CDC14A: variants seen among roughly 807,000 people sequenced by gnomAD.
CDC14A encodes dual specificity protein phosphatase CDC14A.
Under a neutral mutation model 74.4 loss-of-function variants are expected in CDC14A, and 53 were observed. The ratio of observed to expected loss-of-function variants is 0.71; its 90% CI spans 0.57 to 0.89. The LOEUF (loss-of-function observed/expected upper bound fraction) is 0.89. CDC14A is among the 40% of genes least tolerant of loss of function. The probability of loss-of-function intolerance (pLI) is 0.00; values close to 1 mark genes in which losing one functional copy is unlikely to be tolerated. For synonymous variants in CDC14A, 247 were observed against 258.4 expected (o/e 0.96, Z 0.43); for missense variants, 646 against 713.7 (o/e 0.91, Z 1.08).
chr1:100,377,411 T>G, intron 2 of CDC14A, 135 bp from the exon 3 acceptor site: 1 of 654,296 alleles, frequency 1.5e-6, no homozygotes, highest in East Asian at 2.8e-5. Context: ...TTATTTGGAT[T>G]ATACCATGGA....
intron 4 of CDC14A, among the ~76,000 whole-genome samples, chr1:100,412,710 A>ATATATATATATATATATTT (rs1660911802): frequency 1.0e-5 from 1 of 96,048 alleles, no homozygotes; most frequent in Admixed American, 1.0e-4. Flanking sequence ...ATATATATAT[A>ATATATATATATATATATTT]TATATATATA....
intron 2 of CDC14A, chr1:100,363,072 A>G (rs997062697): frequency 6.6e-6 from 1 of 152,238 alleles, no homozygotes. Context: ...TGTGACGTTT[A>G]CGTAGTGGGT....
chr1:100,377,904 G>A (rs978403847), intron 3 of CDC14A, among the ~76,000 whole-genome samples: 2 of 152,210 alleles, frequency 1.3e-5, no homozygotes, highest in Non-Finnish European at 2.9e-5. Context: ...TGTTGTTAAT[G>A]AGTCTCTATC....
At chr1:100,390,637 A>T (rs1657565408) in intron 3 of CDC14A, 95 bp from the exon 4 acceptor site, 1 of 760,990 alleles carries the variant, frequency 1.3e-6, no homozygotes. Flanking sequence ...TATGGGTTGT[A>T]GCACATCTTG....
intron 4 of CDC14A, among the ~76,000 whole-genome samples, chr1:100,405,094 A>G (rs1659774333): frequency 6.6e-6 from 1 of 152,136 alleles, no homozygotes; most frequent in Non-Finnish European, 1.5e-5. Context: ...CTGCTTTGGG[A>G]AATTTCTTAA....
chr1:100,420,962 T>G (rs1052436709), intron 4 of CDC14A, among the ~76,000 whole-genome samples: 2 of 152,160 alleles, frequency 1.3e-5, no homozygotes, highest in African/African-American at 4.8e-5. Context: ...AAAAGTCACT[T>G]TAATTGGGTG....
At chr1:100,469,871 A>G (rs57251132) in intron 10 of CDC14A, among the ~76,000 whole-genome samples, 5,225 of 152,266 alleles carry the variant, frequency 0.034, 293 homozygotes, top group African/African-American at 0.12. Context: ...CCATATCTCA[A>G]AATAGTAAGA....
intron 1 of CDC14A, among the ~76,000 whole-genome samples, chr1:100,353,439 C>T (rs1413957621): frequency 1.3e-5 from 2 of 152,202 alleles, no homozygotes; most frequent in East Asian, 3.9e-4. Context: ...TTCCCCTTCT[C>T]GCAGCTGCTG....
intron 3 of CDC14A, among the ~76,000 whole-genome samples, chr1:100,382,092 G>C (rs1319032639): frequency 6.6e-6 from 1 of 151,596 alleles, no homozygotes; most frequent in African/African-American, 2.4e-5. Flanking sequence ...CAGGTTCTCA[G>C]AGGGATCCTT....
At position 100,466,349 on chromosome 1, in the gene CDC14A, A is replaced by G. The variant is rs28364890; in HGVS notation, c.839-1607A>G. On this transcript the variant is annotated intron_variant, in intron 9 of 15. Coordinates refer to ENST00000336454, the MANE Select transcript of CDC14A (RefSeq NM_003672.4). ...CTGTGTTTTATCTATACGGTTGCCT[A>G]TAGTCTTGCCAGGCATCTAGGGAAT... Among the ~76,000 whole-genome samples the G allele has an allele frequency of 3.3e-5, 5 of 152,282 alleles. No homozygotes were observed. In the East Asian group the frequency reaches 5.8e-4, roughly 18 times the overall value.
chr1:100,452,492 C>A (rs1312109554), intron 7 of CDC14A, among the ~76,000 whole-genome samples: 3 of 152,098 alleles, frequency 2.0e-5, no homozygotes, highest in Admixed American at 2.0e-4. Flanking sequence ...GCCTGGGCAA[C>A]AGAATGCAAC....
intron 14 of CDC14A, 149 bp downstream of exon 14, chr1:100,498,356 T>C (rs1648179962): frequency 2.3e-6 from 2 of 885,866 alleles, no homozygotes; most frequent in East Asian, 2.4e-5. Flanking sequence ...GGGGCTTCCG[T>C]TCCTGTCTTG....
At chr1:100,470,507 AAGTC>A (rs1425404438) in intron 10 of CDC14A, among the ~76,000 whole-genome samples, 1 of 152,146 alleles carries the variant, frequency 6.6e-6, no homozygotes, top group East Asian at 1.9e-4. Context: ...GCAGGATACA[AAGTC>A]AGTTTTCAGA....
intron 5 of CDC14A, among the ~76,000 whole-genome samples, chr1:100,432,931 A>G (rs1382960787): frequency 1.3e-5 from 2 of 152,190 alleles, no homozygotes; most frequent in African/African-American, 2.4e-5. Context: ...CTCTGTTAGC[A>G]GGCTGGGGTG....
At chr1:100,386,505 C>T (rs188606000) in intron 3 of CDC14A, among the ~76,000 whole-genome samples, 1 of 152,264 alleles carries the variant, frequency 6.6e-6, no homozygotes, top group East Asian at 1.9e-4. Flanking sequence ...TGCAAGTGTT[C>T]TCCTTGAAGG....
At chr1:100,463,023 A>G (rs1324658212) in intron 9 of CDC14A, 142 bp downstream of exon 9, 8 of 633,236 alleles carry the variant, frequency 1.3e-5, no homozygotes, top group Non-Finnish European at 2.2e-5. Context: ...ACACAAACTC[A>G]TTTTAATAAC....
upstream of CDC14A, among the ~76,000 whole-genome samples, chr1:100,351,992 GT>G (rs1651076174): frequency 1.4e-5 from 2 of 147,312 alleles, no homozygotes; most frequent in Admixed American, 1.3e-4. Context: ...GTGTGTGTGT[GT>G]GTGTGTGTGT....
In CDC14A at chr1:100,462,798, G is replaced by C; in HGVS notation, c.755G>C (p.Gly252Ala). Reference protein sequence around the residue: ...FEHYDLFFIDGSTPSDNIVRR... With the variant: ...FEHYDLFFIDASTPSDNIVRR... Reference sequence around the variant, plus strand: ...CACTATGACCTCTTCTTCATAGATGGCAGCACACCCAGTGACAACATCGTG... The same window carrying C: ...CACTATGACCTCTTCTTCATAGATGCCAGCACACCCAGTGACAACATCGTG... Residue 252 changes from glycine (G) to alanine (A), a missense_variant, in exon 9 of 16, where the codon GGC becomes GCC. Gly to Ala is a moderately conservative substitution (Grantham distance 60, BLOSUM62 0). Coordinates refer to ENST00000336454, the MANE Select transcript of CDC14A (RefSeq NM_003672.4). 1 of 1,614,096 alleles carries C rather than the reference G, an allele frequency of 6.2e-7. No homozygotes were observed. Among genetic ancestry groups the C allele is most frequent in the Non-Finnish European group, 8.5e-7 (1 of 1,180,004 alleles).
At chr1:100,374,172 A>T (rs1468205940) in intron 2 of CDC14A, among the ~76,000 whole-genome samples, 1 of 152,140 alleles carries the variant, frequency 6.6e-6, no homozygotes, top group Non-Finnish European at 1.5e-5. Flanking sequence ...CCATGGTTGT[A>T]TATGTGCCAC....
Sources: gnomAD v4.1 joint callset for allele counts (sites outside exome capture counted in the v4.1 genomes callset) on GRCh38, gnomAD v4.1.1 for gene constraint, MANE v1.5 for transcripts, NCBI Gene and HGNC (gene_info 2026-07-23, HGNC 2026-07-21) for gene names.